Variants in CDH4 observed in about 807,000 individuals in gnomAD.
The protein encoded by CDH4 is cadherin-4.
Under a neutral mutation model 86.0 loss-of-function variants are expected in CDH4, and 33 were observed. The observed-to-expected ratio is 0.38, with a 90% CI of 0.29 to 0.51. The LOEUF (loss-of-function observed/expected upper bound fraction) is 0.51. CDH4 is among the 20% of genes least tolerant of loss of function. The pLI is 0.86. For synonymous variants in CDH4, 555 were observed against 549.4 expected (o/e 1.01, Z -0.14); for missense variants, 1,114 against 1,307.4 (o/e 0.85, Z 2.28).
chr20:61,441,811 C>T (rs1007156564), intron 2 of CDH4, among the ~76,000 whole-genome samples: 3 of 152,142 alleles, frequency 2.0e-5, no homozygotes, highest in African/African-American at 7.2e-5. Flanking sequence ...AGTCTAAGCT[C>T]TTCTGTGATG....
At chr20:61,549,488 G>A (rs868243834) in intron 2 of CDH4, among the ~76,000 whole-genome samples, 9 of 152,210 alleles carry the variant, frequency 5.9e-5, no homozygotes, top group Admixed American at 2.6e-4. Flanking sequence ...TCAAAGGGAG[G>A]TTTAGGGGGC....
intron 7 of CDH4, among the ~76,000 whole-genome samples, chr20:61,884,236 G>A (rs1010533070): frequency 6.6e-6 from 1 of 152,194 alleles, no homozygotes; most frequent in Non-Finnish European, 1.5e-5. Flanking sequence ...GAGGCCCCAA[G>A]GGGTCATAAA....
chr20:61,482,415 G>A (rs775944106), intron 2 of CDH4, among the ~76,000 whole-genome samples: 6 of 152,144 alleles, frequency 3.9e-5, no homozygotes, highest in Non-Finnish European at 7.4e-5. Flanking sequence ...GTACATTCAG[G>A]TGCCAGGAAG....
At chr20:61,776,747 G>C (rs1047144177) in intron 4 of CDH4, among the ~76,000 whole-genome samples, 8 of 152,210 alleles carry the variant, frequency 5.3e-5, no homozygotes, top group African/African-American at 1.7e-4. Flanking sequence ...CTGTGCTCCA[G>C]CCATTCAGCC....
At chr20:61,348,270 A>T (rs6015960) in intron 2 of CDH4, among the ~76,000 whole-genome samples, 1 of 152,006 alleles carries the variant, frequency 6.6e-6, no homozygotes, top group Admixed American at 6.5e-5. Context: ...GCAAAAGAGC[A>T]TGTGCAGGGG....
rs535993025 is a variant in CDH4 at position 61,777,105 on chromosome 20, T to G, written c.576+3923T>G. On this transcript the variant is annotated intron_variant, in intron 4 of 15. Transcript: ENST00000614565. Reference sequence around the variant, plus strand: ...CCCTGCTTCAGTTCGCCATAGTGCTTGGTGTGAACTGGCTGTATTTTCTGT... The same window carrying G: ...CCCTGCTTCAGTTCGCCATAGTGCTGGGTGTGAACTGGCTGTATTTTCTGT... Among the ~76,000 whole-genome samples the G allele has an allele frequency of 1.1e-4, 16 of 152,174 alleles. No individual in the cohort carries two copies. The South Asian group carries it at 3.3e-3, about 32-fold the overall frequency.
rs1421914545 is a variant in CDH4 at position 61,526,674 on chromosome 20, T to TA, written c.170-216881dup. 6.7e-5 allele frequency among the ~76,000 whole-genome samples: 9 copies of TA among 134,314 alleles called. No individual in the cohort carries two copies. The East Asian group carries it at 6.9e-4, about 10-fold the overall frequency. 88.1% of individuals were successfully genotyped at this position (134,314 alleles called of 152,430 possible). On this transcript the variant is annotated intron_variant, in intron 2 of 15. Transcript: ENST00000614565. The stretch of plus-strand genomic sequence containing the variant: ...TCCCCCCACCCCATCCCTGGCTTTT[T>TA]AAAAAAAATATTATGGGGCAAGTGA...
intron 2 of CDH4, among the ~76,000 whole-genome samples, chr20:61,647,566 T>TCC (rs1555818902): frequency 9.3e-5 from 6 of 64,194 alleles, no homozygotes; most frequent in Non-Finnish European, 2.1e-4. Context: ...TCCCTCTCCC[T>TCC]CTCCCTCCCT....
At position 61,438,438 on chromosome 20, in the gene CDH4, G is replaced by A. The variant is rs117946761; in HGVS notation, c.169+183501G>A. Among the ~76,000 whole-genome samples, 902 of 152,230 alleles carry A rather than the reference G, an allele frequency of 5.9e-3. 1 individual carries two copies. Among genetic ancestry groups the A allele is most frequent in the Middle Eastern group, 0.01 (3 of 294 alleles). On this transcript the variant is annotated intron_variant, in intron 2 of 15. Transcript: ENST00000614565. ...GTTTTGTTCTCCTTGAGAGGACCTC[G>A]TAAATCAGTTGGACACGTTTTGCTA...
intron 2 of CDH4, among the ~76,000 whole-genome samples, chr20:61,282,148 C>T (rs1159164819): frequency 6.6e-6 from 1 of 152,146 alleles, no homozygotes; most frequent in Non-Finnish European, 1.5e-5. Flanking sequence ...CATTTGAGGT[C>T]AGGAGTTCGA....
At chr20:61,281,114 C>T (rs989841211) in intron 2 of CDH4, among the ~76,000 whole-genome samples, 1 of 152,150 alleles carries the variant, frequency 6.6e-6, no homozygotes, top group African/African-American at 2.4e-5. Context: ...CACTGGAATT[C>T]GGGACAGCCC....
intron 2 of CDH4, among the ~76,000 whole-genome samples, chr20:61,353,693 T>TCCTCTTCCTC (rs1568810424): frequency 4.5e-5 from 1 of 22,092 alleles, no homozygotes; most frequent in Non-Finnish European, 7.9e-5. Flanking sequence ...CCCCTCCTCC[T>TCCTCTTCCTC]CCCCTCCTCC....
chr20:61,549,417 A>G (rs867985348), intron 2 of CDH4, among the ~76,000 whole-genome samples: 2 of 152,172 alleles, frequency 1.3e-5, no homozygotes, highest in South Asian at 4.2e-4. Flanking sequence ...TCTGTTCAAG[A>G]TCCACATACA....
At chr20:61,418,845 AC>A (rs2085161575) in intron 2 of CDH4, among the ~76,000 whole-genome samples, 1 of 151,528 alleles carries the variant, frequency 6.6e-6, no homozygotes, top group African/African-American at 2.4e-5. Context: ...GCACCCCCAC[AC>A]CCCCGCATCC....
intron 2 of CDH4, among the ~76,000 whole-genome samples, chr20:61,411,972 G>A (rs985670119): frequency 2.0e-5 from 3 of 152,230 alleles, no homozygotes; most frequent in Non-Finnish European, 4.4e-5. Context: ...CACTGGTCAT[G>A]CAGAGCTGCT....
intron 6 of CDH4, among the ~76,000 whole-genome samples, chr20:61,871,073 CAG>C (rs1011278124): frequency 6.9e-6 from 1 of 145,936 alleles, no homozygotes; most frequent in Non-Finnish European, 1.5e-5. Flanking sequence ...GTGTACATAT[CAG>C]AGAGAGAGAC....
chr20:61,884,595 T>C (rs1361860422), intron 7 of CDH4, among the ~76,000 whole-genome samples: 2 of 152,008 alleles, frequency 1.3e-5, no homozygotes, highest in Admixed American at 1.3e-4. Flanking sequence ...GGCTCCATGC[T>C]CAGCCCCTCC....
At position 61,312,382 on chromosome 20, in the gene CDH4, T is replaced by A. The variant is rs187824948; in HGVS notation, c.169+57445T>A. Among the ~76,000 whole-genome samples, 248 of 151,428 alleles carry A rather than the reference T, an allele frequency of 1.6e-3. 1 individual carries two copies. Among genetic ancestry groups the A allele is most frequent in the Non-Finnish European group, 2.7e-3 (184 of 67,822 alleles). On this transcript the variant is annotated intron_variant, in intron 2 of 15. Transcript: ENST00000614565. ...TTGTGATGTATGCATATGTGTGGCA[T>A]GATGTGAGTGGTGTGGTGTGTGCAT...
At position 61,364,142 on chromosome 20, in the gene CDH4, C is replaced by T. The variant is rs2084798666; in HGVS notation, c.169+109205C>T. ...GCCTGGCACCTTGTCCAGCAGATCC[C>T]CGATTCCAGCTGTGCTCTCTCTACC... On this transcript the variant is annotated intron_variant, in intron 2 of 15. Coordinates refer to ENST00000614565, the MANE Select transcript of CDH4 (RefSeq NM_001794.5). Among the ~76,000 whole-genome samples, 6 of 152,316 alleles carry T rather than the reference C, an allele frequency of 3.9e-5. No homozygotes were observed. In the South Asian group the frequency reaches 1.2e-3, roughly 32 times the overall value.
Sources: gnomAD v4.1 joint callset for allele counts (sites outside exome capture counted in the v4.1 genomes callset) on GRCh38, gnomAD v4.1.1 for gene constraint, MANE v1.5 for transcripts, NCBI Gene and HGNC (gene_info 2026-07-23, HGNC 2026-07-21) for gene names.